The following RIPOR2 variants were observed in gnomAD, a reference collection of about 807,000 sequenced individuals.
The protein encoded by RIPOR2 is RHO family interacting cell polarization regulator 2.
In RIPOR2, 39 loss-of-function variants were observed where a neutral mutation model predicts 114.5. That is an observed-to-expected ratio of 0.34 (90% confidence interval 0.26 to 0.44). The LOEUF is 0.44. RIPOR2 is among the 20% of genes least tolerant of loss of function. The pLI is 1.00. For missense variants in RIPOR2, 1,007 were observed against 1,255.1 expected, an observed-to-expected ratio of 0.80 and a Z score of 2.99; for synonymous variants, 445 against 484.4, an observed-to-expected ratio of 0.92 and a Z score of 1.07.
At position 24,958,958 on chromosome 6, in the gene RIPOR2, C is replaced by CTTTCTT. The variant is rs139147901; in HGVS notation, c.76+82892_76+82893insAAGAAA. Among the ~76,000 whole-genome samples the CTTTCTT allele has an allele frequency of 2.4e-5, 3 of 123,210 alleles. 1 individual carries two copies. The highest frequency in any genetic ancestry group is 4.8e-5 in the Non-Finnish European group (3 of 62,754). 80.8% of individuals were successfully genotyped at this position (123,210 alleles called of 152,430 possible). A position where few individuals can be genotyped will look rare whatever the true frequency, so the allele number is the denominator to read the frequency against. On this transcript the variant is annotated intron_variant, in intron 1 of 13. Coordinates refer to the RIPOR2 transcript ENST00000510784. The stretch of plus-strand genomic sequence containing the variant: ...TGCACCACTCCAAGCTCTACATTTT[C>CTTTCTT]TTTTTTTTTTGGAGACAGGGTCTCA...
upstream of RIPOR2, among the ~76,000 whole-genome samples, chr6:24,938,784 T>C (rs112209673): frequency 8.0e-3 from 1,223 of 152,280 alleles, 5 homozygotes; most frequent in Admixed American, 0.015. Flanking sequence ...CACGAACTCC[T>C]TGAAAGCACA....
At chr6:25,002,696 A>T (rs1398969239) in intron 1 of RIPOR2, among the ~76,000 whole-genome samples, 2 of 152,220 alleles carry the variant, frequency 1.3e-5, no homozygotes, top group African/African-American at 4.8e-5. Flanking sequence ...TTGTCACAAA[A>T]TCCCTGGACA....
intron 1 of RIPOR2, among the ~76,000 whole-genome samples, chr6:24,915,840 C>G (rs1284775192): frequency 2.0e-5 from 3 of 152,256 alleles, no homozygotes; most frequent in Middle Eastern, 3.4e-3. Flanking sequence ...TGGTCTGAAC[C>G]AAGTCCAAAT....
At chr6:24,983,842 C>A (rs1774415955) in intron 1 of RIPOR2, among the ~76,000 whole-genome samples, 1 of 146,110 alleles carries the variant, frequency 6.8e-6, no homozygotes, top group Non-Finnish European at 1.5e-5. Context: ...CCAGCCTTTT[C>A]TGAGCCTCTG....
intron 1 of RIPOR2, among the ~76,000 whole-genome samples, chr6:25,031,699 T>TTATATA (rs58886088): frequency 5.4e-4 from 19 of 35,470 alleles, no homozygotes; most frequent in East Asian, 1.9e-3. Flanking sequence ...TAGGTGGTAG[T>TTATATA]TATATATATA....
chr6:24,958,818 C>T (rs1018545129), intron 1 of RIPOR2, among the ~76,000 whole-genome samples: 6 of 152,004 alleles, frequency 3.9e-5, no homozygotes, highest in Non-Finnish European at 8.8e-5. Context: ...TCTGGAATCA[C>T]GGTGTGAGGA....
intron 1 of RIPOR2, among the ~76,000 whole-genome samples, chr6:24,999,220 G>A (rs1775186090): frequency 6.6e-6 from 1 of 152,142 alleles, no homozygotes; most frequent in Admixed American, 6.5e-5. Context: ...GAGACTGACT[G>A]GACCCAACAT....
chr6:24,865,816 T>A (rs1764547099), intron 6 of RIPOR2, among the ~76,000 whole-genome samples: 1 of 152,022 alleles, frequency 6.6e-6, no homozygotes, highest in Non-Finnish European at 1.5e-5. Flanking sequence ...AAATAAGTAT[T>A]AAACAAATAA....
intron 13 of RIPOR2, chr6:24,840,584 A>G: frequency 6.7e-7 from 1 of 1,487,668 alleles, no homozygotes; most frequent in Non-Finnish European, 8.9e-7. Context: ...GTTAGGTGAC[A>G]CTCCTTGCTG....
chr6:24,911,695 A>T (rs1769621980), intron 1 of RIPOR2, among the ~76,000 whole-genome samples: 1 of 152,114 alleles, frequency 6.6e-6, no homozygotes, highest in Non-Finnish European at 1.5e-5. Context: ...TGCCTGATAG[A>T]CAGACATTCC....
chr6:24,906,248 T>C (rs1051590742), intron 1 of RIPOR2, among the ~76,000 whole-genome samples: 1 of 152,170 alleles, frequency 6.6e-6, no homozygotes, highest in Admixed American at 6.5e-5. Context: ...ATACCTACCA[T>C]TGGGTAGGCA....
chr6:24,996,628 C>T (rs1457085594), intron 1 of RIPOR2, among the ~76,000 whole-genome samples: 1 of 152,200 alleles, frequency 6.6e-6, no homozygotes, highest in East Asian at 1.9e-4. Flanking sequence ...CGCTGATGTA[C>T]TTGACATTTC....
At chr6:25,036,979 G>GA (rs1259951038) in intron 1 of RIPOR2, among the ~76,000 whole-genome samples, 1 of 152,076 alleles carries the variant, frequency 6.6e-6, no homozygotes, top group Non-Finnish European at 1.5e-5. Context: ...ATTATTTTGG[G>GA]AAAAAATGTG....
At chr6:24,947,668 A>C (rs916552174) in intron 1 of RIPOR2, among the ~76,000 whole-genome samples, 1 of 151,612 alleles carries the variant, frequency 6.6e-6, no homozygotes, top group African/African-American at 2.4e-5. Flanking sequence ...TTCTTCAAAA[A>C]GGGGCTCTAC....
At chr6:24,996,854 G>T (rs1281119172) in intron 1 of RIPOR2, among the ~76,000 whole-genome samples, 1 of 152,228 alleles carries the variant, frequency 6.6e-6, no homozygotes, top group African/African-American at 2.4e-5. Flanking sequence ...AGAAGGCAGA[G>T]CCCTTAAACT....
At position 24,898,220 on chromosome 6, in the gene RIPOR2, G is replaced by A. The variant is rs533738940; in HGVS notation, c.62-22403C>T. Among the ~76,000 whole-genome samples the A allele has an allele frequency of 2.6e-5, 4 of 152,120 alleles. No homozygotes were observed. In the East Asian group the frequency reaches 7.7e-4, roughly 29 times the overall value. The stretch of plus-strand genomic sequence containing the variant: ...AGACAAATGGCCTTACCTAAACAAA[G>A]CTTTGTGTTTTTATACTTTGCTGTG... On this transcript the variant is annotated intron_variant, in intron 1 of 21. Transcript: ENST00000643898.
chr6:24,896,539 T>C (rs976454641), intron 1 of RIPOR2, among the ~76,000 whole-genome samples: 2 of 152,208 alleles, frequency 1.3e-5, no homozygotes, highest in African/African-American at 2.4e-5. Context: ...CTCTTGAAAG[T>C]TGAATTAATA....
chr6:25,041,754 G>T, intron 1 of RIPOR2: 1 of 637,712 alleles, frequency 1.6e-6, no homozygotes. Flanking sequence ...AAGGGGGAAA[G>T]ATTGGAGAAG....
chr6:24,828,028 G>T, intron 18 of RIPOR2, 109 bp downstream of exon 18: 1 of 992,848 alleles, frequency 1.0e-6, no homozygotes, highest in Non-Finnish European at 1.4e-6. Context: ...CACCTCTACT[G>T]TGGACTTGAA....
Sources: allele counts gnomAD v4.1 joint callset (sites outside exome capture counted in the v4.1 genomes callset), GRCh38; gene constraint gnomAD v4.1.1; transcripts MANE v1.5; gene names NCBI Gene and HGNC (gene_info 2026-07-23, HGNC 2026-07-21).